The following DOCK1 variants were observed in gnomAD, a reference collection of about 807,000 sequenced individuals.
The protein encoded by DOCK1 is dedicator of cytokinesis 1, also known as dedicator of cytokinesis protein 1.
Under a neutral mutation model 262.7 loss-of-function variants are expected in DOCK1, and 138 were observed. The observed-to-expected ratio is 0.53, with a 90% CI of 0.46 to 0.61. The LOEUF (loss-of-function observed/expected upper bound fraction) is 0.61. DOCK1 is among the 20% of genes least tolerant of loss of function. The probability of loss-of-function intolerance (pLI) is 0.00; values close to 1 mark genes in which losing one functional copy is unlikely to be tolerated. For synonymous variants in DOCK1, 866 were observed against 867.4 expected (o/e 1.00, Z 0.03); for missense variants, 1,908 against 2,370.7 (o/e 0.80, Z 4.05).
At chr10:127,111,341 A>C (rs1033013019) in intron 25 of DOCK1, among the ~76,000 whole-genome samples, 15 of 152,236 alleles carry the variant, frequency 9.9e-5, no homozygotes, top group Non-Finnish European at 1.9e-4. Context: ...TTCTCTAGAA[A>C]AAAACACATC....
intron 29 of DOCK1, among the ~76,000 whole-genome samples, chr10:127,297,877 G>A (rs998295826): frequency 2.6e-5 from 4 of 151,922 alleles, no homozygotes; most frequent in African/African-American, 9.7e-5. Flanking sequence ...GAGAGTGCCC[G>A]ATTTCACCAC....
chr10:127,309,796 A>G (rs1382497816), intron 29 of DOCK1, among the ~76,000 whole-genome samples: 1 of 151,954 alleles, frequency 6.6e-6, no homozygotes, highest in East Asian at 1.9e-4. Context: ...TTCAGTGGCA[A>G]TGTTTTTAAT....
chr10:126,994,394 A>G lies in DOCK1; in HGVS notation c.474-2354A>G, dbSNP rs565817700. On this transcript the variant is annotated intron_variant, in intron 6 of 51. Coordinates refer to ENST00000623213, the MANE Select transcript of DOCK1 (RefSeq NM_001290223.2). ...GGGGGATTTGGCAGGGTCATAGGAC[A>G]ATAGTGGAGGGAAGGTCAGCAGATA... 2.0e-5 allele frequency among the ~76,000 whole-genome samples: 3 copies of G among 152,180 alleles called. No individual in the cohort carries two copies. In the East Asian group the frequency reaches 5.8e-4, roughly 29 times the overall value.
intron 2 of DOCK1, among the ~76,000 whole-genome samples, chr10:126,972,835 C>T (rs113500956): frequency 0.046 from 6,915 of 151,724 alleles, 191 homozygotes; most frequent in Non-Finnish European, 0.059. Context: ...GTGGCCTCTG[C>T]GTGGAAGCCA....
At chr10:127,306,846 T>A (rs1167113118) in intron 29 of DOCK1, among the ~76,000 whole-genome samples, 1 of 152,174 alleles carries the variant, frequency 6.6e-6, no homozygotes, top group Non-Finnish European at 1.5e-5. Context: ...AAGTCTTGAT[T>A]TCTTAAAAGG....
At chr10:127,350,102 A>G (rs2063813063) in intron 31 of DOCK1, among the ~76,000 whole-genome samples, 2 of 152,202 alleles carry the variant, frequency 1.3e-5, no homozygotes, top group South Asian at 4.1e-4. Flanking sequence ...AATAGAATCT[A>G]GGAAAAAATA....
At chr10:127,063,212 ATGTT>A (rs1451036097) in intron 23 of DOCK1, among the ~76,000 whole-genome samples, 6 of 152,172 alleles carry the variant, frequency 3.9e-5, no homozygotes, top group Non-Finnish European at 7.3e-5. Flanking sequence ...TCCTCTTTTA[ATGTT>A]TGTTTAACGT....
chr10:127,407,772 G>A (rs193034694), intron 40 of DOCK1, among the ~76,000 whole-genome samples: 22 of 152,120 alleles, frequency 1.4e-4, no homozygotes, highest in African/African-American at 4.1e-4. Flanking sequence ...TTCTTCCCCC[G>A]TGTCCCCTGA....
At chr10:127,358,052 A>C (rs1201729220) in intron 32 of DOCK1, among the ~76,000 whole-genome samples, 1 of 151,746 alleles carries the variant, frequency 6.6e-6, no homozygotes, top group Non-Finnish European at 1.5e-5. Flanking sequence ...TTGGGAACAT[A>C]TTGGCAGGAT....
chr10:127,296,392 C>T (rs181831248), intron 29 of DOCK1, among the ~76,000 whole-genome samples: 65 of 152,312 alleles, frequency 4.3e-4, no homozygotes, highest in Admixed American at 9.1e-4. Context: ...GCGCCTCCAC[C>T]TGCAGGCCTG....
chr10:127,231,475 A>AGT (rs992371415), intron 27 of DOCK1, among the ~76,000 whole-genome samples: 2 of 151,700 alleles, frequency 1.3e-5, no homozygotes, highest in Admixed American at 1.3e-4. Context: ...GTTGGAGTGC[A>AGT]GTGGCACAAT....
At chr10:127,241,971 G>A (rs1000147873) in intron 27 of DOCK1, among the ~76,000 whole-genome samples, 9 of 152,140 alleles carry the variant, frequency 5.9e-5, no homozygotes, top group Admixed American at 3.9e-4. Context: ...GTAGCCTCCT[G>A]AGTACCTGGC....
intron 19 of DOCK1, among the ~76,000 whole-genome samples, chr10:127,038,646 G>A (rs960896454): frequency 6.6e-6 from 1 of 152,090 alleles, no homozygotes; most frequent in South Asian, 2.1e-4. Context: ...TCTTCCCACG[G>A]GACGCTCTGC....
At chr10:127,285,215 C>A (rs1350785454) in intron 29 of DOCK1, among the ~76,000 whole-genome samples, 1 of 152,168 alleles carries the variant, frequency 6.6e-6, no homozygotes. Flanking sequence ...GTAGTTTAAC[C>A]TATTGTTCTA....
chr10:126,946,264 T>C (rs2035395055), intron 1 of DOCK1, among the ~76,000 whole-genome samples: 1 of 152,168 alleles, frequency 6.6e-6, no homozygotes, highest in Non-Finnish European at 1.5e-5. Flanking sequence ...AGCTAATTCT[T>C]GGCCAGACAC....
At chr10:127,146,786 G>A (rs969645134) in intron 27 of DOCK1, among the ~76,000 whole-genome samples, 2 of 152,336 alleles carry the variant, frequency 1.3e-5, no homozygotes, top group South Asian at 4.2e-4. Context: ...AATGACAAAG[G>A]CTGCAGAGAC....
chr10:127,010,630 G>A (rs1421669506), intron 11 of DOCK1, among the ~76,000 whole-genome samples: 1 of 152,178 alleles, frequency 6.6e-6, no homozygotes, highest in African/African-American at 2.4e-5. Flanking sequence ...GGATTATGTT[G>A]TTTTGTAGTC....
At chr10:127,370,656 C>A (rs1414961664) in intron 33 of DOCK1, among the ~76,000 whole-genome samples, 1 of 152,232 alleles carries the variant, frequency 6.6e-6, no homozygotes, top group African/African-American at 2.4e-5. Flanking sequence ...CTATGGTTAG[C>A]TGTGGCAGTG....
intron 45 of DOCK1, among the ~76,000 whole-genome samples, chr10:127,419,140 A>T (rs2068342738): frequency 6.6e-6 from 1 of 152,218 alleles, no homozygotes; most frequent in South Asian, 2.1e-4. Context: ...AGAGACCTGT[A>T]TGGTCCACAA....
Sources: allele counts gnomAD v4.1 joint callset (sites outside exome capture counted in the v4.1 genomes callset), GRCh38; gene constraint gnomAD v4.1.1; transcripts MANE v1.5; gene names NCBI Gene and HGNC (gene_info 2026-07-23, HGNC 2026-07-21).